CALCR: variants seen among roughly 807,000 people sequenced by gnomAD.
The protein encoded by CALCR is calcitonin receptor.
In CALCR, 47 loss-of-function variants were observed where a neutral mutation model predicts 59.5. The observed-to-expected ratio is 0.79, with a 90% CI of 0.63 to 1.01. CALCR has a LOEUF of 1.01. Among genes scored for constraint, CALCR ranks in the 50% least tolerant of loss-of-function variants. The pLI, the probability that CALCR is intolerant of heterozygous loss-of-function variation, is 0.00. For missense variants in CALCR, 566 were observed against 597.1 expected (o/e 0.95, Z 0.54); for synonymous variants, 213 against 211.3 (o/e 1.01, Z -0.07).
chr7:93,526,431 A>G (rs1801878688), intron 2 of CALCR, among the ~76,000 whole-genome samples: 1 of 151,248 alleles, frequency 6.6e-6, no homozygotes, highest in African/African-American at 2.4e-5. Flanking sequence ...TACTGACTCA[A>G]ACAGTATAGC....
intron 2 of CALCR, among the ~76,000 whole-genome samples, chr7:93,542,577 C>T (rs1373264683): frequency 2.0e-5 from 3 of 151,998 alleles, no homozygotes; most frequent in East Asian, 1.9e-4. Flanking sequence ...TTTTCTTTCT[C>T]CAATAATTTA....
At chr7:93,447,873 T>C (rs1456709551) in intron 8 of CALCR, among the ~76,000 whole-genome samples, 1 of 151,984 alleles carries the variant, frequency 6.6e-6, no homozygotes. Flanking sequence ...CCTATCACTC[T>C]TTGAAACCAT....
intron 6 of CALCR, among the ~76,000 whole-genome samples, chr7:93,471,219 A>G (rs1414366729): frequency 6.6e-6 from 1 of 151,836 alleles, no homozygotes; most frequent in African/African-American, 2.4e-5. Flanking sequence ...GGTTAACATG[A>G]GTATAATTTT....
intron 2 of CALCR, among the ~76,000 whole-genome samples, chr7:93,547,920 G>A (rs113714572): frequency 0.036 from 5,465 of 152,208 alleles, 333 homozygotes; most frequent in African/African-American, 0.13. Context: ...GCTTAAGCAC[G>A]AGAACAGATG....
intron 8 of CALCR, among the ~76,000 whole-genome samples, chr7:93,449,997 C>T (rs1398224116): frequency 1.3e-5 from 2 of 152,008 alleles, no homozygotes; most frequent in East Asian, 3.9e-4. Flanking sequence ...TGCGTATGTG[C>T]CTTTGGGTAT....
chr7:93,557,458 A>G (rs1789637402), intron 2 of CALCR, among the ~76,000 whole-genome samples: 1 of 151,876 alleles, frequency 6.6e-6, no homozygotes, highest in Admixed American at 6.6e-5. Context: ...CTTGGTACAG[A>G]ATATGTGTTC....
At chr7:93,519,572 T>C (rs1801716472) in intron 2 of CALCR, among the ~76,000 whole-genome samples, 1 of 152,096 alleles carries the variant, frequency 6.6e-6, no homozygotes, top group Admixed American at 6.6e-5. Flanking sequence ...AGCATTTTCA[T>C]TATCTATATT....
chr7:93,525,996 G>C (rs10488550), intron 2 of CALCR, among the ~76,000 whole-genome samples: 42,606 of 152,016 alleles, frequency 0.28, 7,106 homozygotes, highest in Non-Finnish European at 0.38. Flanking sequence ...ATAAAGTCAT[G>C]AGATGCAAAA....
chr7:93,526,190 T>C (rs1463218966), intron 2 of CALCR, among the ~76,000 whole-genome samples: 1 of 152,134 alleles, frequency 6.6e-6, no homozygotes, highest in African/African-American at 2.4e-5. Flanking sequence ...ATCGTTTTTG[T>C]TTGTATGTTT....
intron 2 of CALCR, among the ~76,000 whole-genome samples, chr7:93,553,421 C>T (rs1054938184): frequency 1.6e-4 from 24 of 151,940 alleles, no homozygotes; most frequent in Non-Finnish European, 2.2e-4. Flanking sequence ...GTTACATGAA[C>T]GTTCTGTGGT....
chr7:93,506,124 A>G (rs1016422126), intron 2 of CALCR, among the ~76,000 whole-genome samples: 1 of 151,476 alleles, frequency 6.6e-6, no homozygotes, highest in African/African-American at 2.4e-5. Context: ...TTAAACTATC[A>G]CTCCTAAACT....
chr7:93,551,896 T>C (rs1789469676), intron 2 of CALCR, among the ~76,000 whole-genome samples: 1 of 152,200 alleles, frequency 6.6e-6, no homozygotes, highest in Non-Finnish European at 1.5e-5. Flanking sequence ...ATTTTCAATA[T>C]AGATGACACA....
chr7:93,428,566 C>CA (rs2115653418), intron 13 of CALCR, among the ~76,000 whole-genome samples: 1 of 152,144 alleles, frequency 6.6e-6, no homozygotes, highest in African/African-American at 2.4e-5. Context: ...TTTGGGAGGC[C>CA]GAGGCGGGCA....
intron 2 of CALCR, among the ~76,000 whole-genome samples, chr7:93,519,568 T>G (rs1195606814): frequency 6.6e-6 from 1 of 152,084 alleles, no homozygotes; most frequent in Non-Finnish European, 1.5e-5. Context: ...GTTGAGCATT[T>G]TCATTATCTA....
chr7:93,526,990 T>G (rs1788672871), intron 2 of CALCR, among the ~76,000 whole-genome samples: 1 of 152,012 alleles, frequency 6.6e-6, no homozygotes, highest in African/African-American at 2.4e-5. Context: ...TAAAGTAAAA[T>G]AGTTTTTTTG....
intron 2 of CALCR, among the ~76,000 whole-genome samples, chr7:93,507,971 A>G (rs1391250467): frequency 1.3e-5 from 2 of 151,956 alleles, no homozygotes; most frequent in Non-Finnish European, 2.9e-5. Context: ...GACCAAGATG[A>G]AGAAGACAAC....
At chr7:93,460,593 G>GTGTATATATATATATATATATATA in intron 8 of CALCR, among the ~76,000 whole-genome samples, 1 of 89,360 alleles carries the variant, frequency 1.1e-5, no homozygotes, top group African/African-American at 5.3e-5. Context: ...ATATATATAT[G>GTGTATATATATATATATATATATA]TATATATATA....
At chr7:93,559,365 C>T (rs1024896623) in intron 2 of CALCR, among the ~76,000 whole-genome samples, 38 of 152,098 alleles carry the variant, frequency 2.5e-4, no homozygotes, top group African/African-American at 8.9e-4. Flanking sequence ...TTCAGCAGAA[C>T]CAGGCCAATC....
intron 9 of CALCR, among the ~76,000 whole-genome samples, chr7:93,440,280 A>G (rs1483286036): frequency 6.6e-6 from 1 of 152,164 alleles, no homozygotes. Context: ...AAAAATTTTC[A>G]AAGGACAATA....
Sources: gnomAD v4.1 joint callset for allele counts (sites outside exome capture counted in the v4.1 genomes callset) on GRCh38, gnomAD v4.1.1 for gene constraint, MANE v1.5 for transcripts, NCBI Gene and HGNC (gene_info 2026-07-23, HGNC 2026-07-21) for gene names.